ARFGEF3: variants seen among roughly 807,000 people sequenced by gnomAD.
The protein encoded by ARFGEF3 is brefeldin A-inhibited guanine nucleotide-exchange protein 3.
In ARFGEF3, 96 loss-of-function variants were observed where a neutral mutation model predicts 221.7. The ratio of observed to expected loss-of-function variants is 0.43; its 90% CI spans 0.37 to 0.51. The LOEUF (loss-of-function observed/expected upper bound fraction) is 0.51. Among genes scored for constraint, ARFGEF3 ranks in the 20% least tolerant of loss-of-function variants. The pLI is 0.00. For synonymous variants in ARFGEF3, 1,145 were observed against 1,126.8 expected (o/e 1.02, Z -0.32); for missense variants, 2,410 against 2,789.9 (o/e 0.86, Z 3.07).
At chr6:138,200,556 C>T (rs1446112060) in intron 2 of ARFGEF3, among the ~76,000 whole-genome samples, 1 of 152,090 alleles carries the variant, frequency 6.6e-6, no homozygotes, top group East Asian at 1.9e-4. Flanking sequence ...ACAAAGCAAA[C>T]AAAAACATAA....
At chr6:138,207,642 AT>A (rs1389348880) in intron 3 of ARFGEF3, among the ~76,000 whole-genome samples, 1 of 152,292 alleles carries the variant, frequency 6.6e-6, no homozygotes, top group East Asian at 1.9e-4. Context: ...GCTTGAATAC[AT>A]TTTTTTGGTT....
chr6:138,332,417 T>G (rs1406363941), intron 32 of ARFGEF3, among the ~76,000 whole-genome samples: 1 of 152,162 alleles, frequency 6.6e-6, no homozygotes, highest in Admixed American at 6.5e-5. Context: ...ATGAATAAGG[T>G]AGTGTCCTGT....
At chr6:138,335,749 G>A (rs1311533156) in intron 33 of ARFGEF3, among the ~76,000 whole-genome samples, 2 of 152,158 alleles carry the variant, frequency 1.3e-5, no homozygotes, top group Non-Finnish European at 2.9e-5. Flanking sequence ...AGTTCTTAGT[G>A]TGTCATTCGA....
At chr6:138,297,085 C>G in intron 21 of ARFGEF3, 130 bp downstream of exon 21, 7 of 998,096 alleles carry the variant, frequency 7.0e-6, no homozygotes, top group Non-Finnish European at 1.0e-5. Flanking sequence ...TTGCCTATCA[C>G]CTGGTCACAA....
chr6:138,302,029 C>G (rs1480336943), intron 22 of ARFGEF3, among the ~76,000 whole-genome samples: 1 of 152,162 alleles, frequency 6.6e-6, no homozygotes, highest in Non-Finnish European at 1.5e-5. Context: ...GAATCCAGCA[C>G]TGCTACAATA....
At chr6:138,209,799 G>A (rs1777688368) in intron 3 of ARFGEF3, 111 bp from the exon 4 acceptor site, 31 of 1,371,504 alleles carry the variant, frequency 2.3e-5, no homozygotes, top group Non-Finnish European at 3.1e-5. Flanking sequence ...ATGGCCTCCA[G>A]CTACACGCCT....
intron 4 of ARFGEF3, among the ~76,000 whole-genome samples, chr6:138,210,746 C>T (rs1296959722): frequency 1.3e-5 from 2 of 152,150 alleles, no homozygotes; most frequent in African/African-American, 4.8e-5. Flanking sequence ...ATAATGTATT[C>T]TGTCCTTTTC....
chr6:138,274,072 A>G (rs975197275), intron 12 of ARFGEF3, among the ~76,000 whole-genome samples: 27 of 152,150 alleles, frequency 1.8e-4, no homozygotes, highest in Non-Finnish European at 2.9e-5. Flanking sequence ...TTCTCTGCTG[A>G]TTTTGATCTC....
At chr6:138,197,612 T>C (rs1777453934) in intron 2 of ARFGEF3, among the ~76,000 whole-genome samples, 1 of 152,128 alleles carries the variant, frequency 6.6e-6, no homozygotes, top group African/African-American at 2.4e-5. Flanking sequence ...TCCCAGGTGA[T>C]AGGAAATTTT....
At chr6:138,274,052 G>T (rs953199206) in intron 12 of ARFGEF3, among the ~76,000 whole-genome samples, 2 of 152,166 alleles carry the variant, frequency 1.3e-5, no homozygotes, top group African/African-American at 4.8e-5. Context: ...GCCTGCCAGG[G>T]CTTCCTCACT....
intron 6 of ARFGEF3, 92 bp from the exon 7 acceptor site, chr6:138,242,860 C>T (rs907187666): frequency 6.3e-6 from 7 of 1,105,382 alleles, no homozygotes; most frequent in African/African-American, 6.2e-5. Context: ...ACCCCGGAAG[C>T]CATTTTGTTT....
chr6:138,189,912 T>C (rs1176145493), intron 2 of ARFGEF3, among the ~76,000 whole-genome samples: 3 of 151,916 alleles, frequency 2.0e-5, no homozygotes, highest in Non-Finnish European at 4.4e-5. Flanking sequence ...AAATCCCGTC[T>C]CTACAAACAA....
intron 4 of ARFGEF3, among the ~76,000 whole-genome samples, chr6:138,225,968 A>T (rs989939509): frequency 2.6e-5 from 4 of 152,100 alleles, no homozygotes; most frequent in East Asian, 1.9e-4. Context: ...GGGAGGTGGG[A>T]TGGGAATTTT....
intron 10 of ARFGEF3, among the ~76,000 whole-genome samples, chr6:138,256,922 C>G (rs1778693790): frequency 1.3e-5 from 2 of 151,958 alleles, no homozygotes; most frequent in South Asian, 4.1e-4. Flanking sequence ...GTAGCTGGGA[C>G]CACAGCTGCA....
At chr6:138,303,939 T>C (rs1289103348) in intron 22 of ARFGEF3, among the ~76,000 whole-genome samples, 1 of 147,664 alleles carries the variant, frequency 6.8e-6, no homozygotes, top group Admixed American at 6.7e-5. Flanking sequence ...GGAACCTTCA[T>C]GCCCTACTGG....
intron 22 of ARFGEF3, among the ~76,000 whole-genome samples, chr6:138,303,889 G>A (rs12661669): frequency 0.09 from 8,379 of 93,036 alleles, 652 homozygotes; most frequent in South Asian, 0.28. Context: ...AAAAAAAAAA[G>A]ATAATAGCAA....
chr6:138,176,163 C>T (rs1160662921), intron 2 of ARFGEF3, among the ~76,000 whole-genome samples: 2 of 148,622 alleles, frequency 1.3e-5, no homozygotes, highest in African/African-American at 2.5e-5. Context: ...TTATAAGCAG[C>T]GTATAGTTGG....
Position 138,255,676 on chromosome 6 carries a change from C to T in ARFGEF3, c.1011C>T (p.Asp337=). The change falls in exon 10 of 34, where the codon GAC becomes GAT. Residue 337 remains aspartate (D), a synonymous_variant. Coordinates refer to ENST00000251691, the MANE Select transcript of ARFGEF3 (RefSeq NM_020340.5). ...AELVRLVGSV[D]SMKPVLQSLY... ...TGGTCCGGCTGGTGGGGTCTGTGGA[C>T]TCCATGAAGCCCGTGCTCCAGTCCC... The T allele has an allele frequency of 6.2e-7, 1 of 1,613,522 alleles. No individual in the cohort carries two copies. The highest frequency in any genetic ancestry group is 8.5e-7 in the Non-Finnish European group (1 of 1,179,718).
chr6:138,246,974 T>TA (rs1315573068), intron 8 of ARFGEF3, among the ~76,000 whole-genome samples: 5 of 152,222 alleles, frequency 3.3e-5, no homozygotes, highest in Non-Finnish European at 5.9e-5. Context: ...CATCATGTTG[T>TA]AAACCTTAAA....
Sources: allele counts gnomAD v4.1 joint callset (sites outside exome capture counted in the v4.1 genomes callset), GRCh38; gene constraint gnomAD v4.1.1; transcripts MANE v1.5; gene names NCBI Gene and HGNC (gene_info 2026-07-23, HGNC 2026-07-21).